The following ACACA variants were observed in gnomAD, a reference collection of about 807,000 sequenced individuals.
ACACA encodes acetyl-CoA carboxylase 1.
A neutral mutation model predicts 296.1 loss-of-function variants in ACACA; 103 were observed. The observed-to-expected ratio is 0.35, with a 90% CI of 0.30 to 0.41. ACACA has a LOEUF of 0.41. Among genes scored for constraint, ACACA ranks in the 10% least tolerant of loss-of-function variants. The probability of loss-of-function intolerance (pLI) is 1.00; values close to 1 mark genes in which losing one functional copy is unlikely to be tolerated. For synonymous variants in ACACA, 953 were observed against 1,038.6 expected (o/e 0.92, Z 1.58); for missense variants, 1,554 against 2,989.7 (o/e 0.52, Z 11.20).
chr17:37,371,704 A>G (rs1208075120), intron 1 of ACACA, among the ~76,000 whole-genome samples: 1 of 151,346 alleles, frequency 6.6e-6, no homozygotes, highest in East Asian at 2.0e-4. Context: ...GTTTGAGACC[A>G]GCCTGACCAA....
intron 31 of ACACA, 100 bp downstream of exon 31, chr17:37,207,557 G>T (rs955659775): frequency 1.4e-6 from 2 of 1,423,524 alleles, no homozygotes; most frequent in African/African-American, 1.4e-5. Flanking sequence ...CTGGCTCATG[G>T]CTATTCGGGA....
intron 3 of ACACA, among the ~76,000 whole-genome samples, chr17:37,326,601 C>T (rs2047634912): frequency 6.6e-6 from 1 of 151,732 alleles, no homozygotes; most frequent in African/African-American, 2.4e-5. Flanking sequence ...GAGGCTGAGG[C>T]GGGCAGATCA....
chr17:37,087,243 G>A lies in ACACA; in HGVS notation c.*73C>T. On this transcript the variant is annotated 3_prime_UTR_variant, in exon 56 of 56. Coordinates refer to ENST00000616317, the MANE Select transcript of ACACA (RefSeq NM_198834.3). Reference sequence around the variant, plus strand: ...GGGTCTCCTGTGCCTTCTCATTACAGTGGTTACAGTTGTAAAAGGCAGCTC... The same window carrying A: ...GGGTCTCCTGTGCCTTCTCATTACAATGGTTACAGTTGTAAAAGGCAGCTC... The A allele has an allele frequency of 1.9e-6, 3 of 1,599,558 alleles. No individual in the cohort carries two copies. Among genetic ancestry groups the A allele is most frequent in the Non-Finnish European group, 2.6e-6 (3 of 1,168,210 alleles).
chr17:37,155,380 G>C (rs904991066), intron 43 of ACACA, among the ~76,000 whole-genome samples: 1 of 152,108 alleles, frequency 6.6e-6, no homozygotes, highest in African/African-American at 2.4e-5. Context: ...GACAGCAAGT[G>C]TATAACATAA....
At position 37,400,728 on chromosome 17, in the gene ACACA, T is replaced by TTG. The variant is rs551347148; in HGVS notation, c.38+5532_38+5533dup. ...TTTTTTAAGGCTGAACAGTATTCCA[T>TTG]TGTGTGTGTGTCTGTGTGTGTGTGT... is the stretch of plus-strand genomic sequence containing the variant. On this transcript the variant is annotated intron_variant, in intron 1 of 55. Coordinates refer to ENST00000616317, the MANE Select transcript of ACACA (RefSeq NM_198834.3). 4.7e-3 allele frequency among the ~76,000 whole-genome samples: 687 copies of TTG among 146,038 alleles called. 5 individuals are homozygous for TTG. Among genetic ancestry groups the TTG allele is most frequent in the African/African-American group, 0.017 (650 of 39,302 alleles).
chr17:37,174,321 A>C (rs1217728445), intron 41 of ACACA, among the ~76,000 whole-genome samples: 1 of 151,842 alleles, frequency 6.6e-6, no homozygotes, highest in African/African-American at 2.4e-5. Flanking sequence ...GGTAAAGGCT[A>C]CTATACCAAC....
chr17:37,107,005 G>A (rs1326166703), intron 52 of ACACA, among the ~76,000 whole-genome samples: 3 of 152,142 alleles, frequency 2.0e-5, no homozygotes, highest in African/African-American at 7.2e-5. Flanking sequence ...GAATCAGTGT[G>A]AGGGGTAGGT....
chr17:37,176,338 A>T (rs1478888689), intron 41 of ACACA, among the ~76,000 whole-genome samples: 2 of 152,254 alleles, frequency 1.3e-5, no homozygotes, highest in African/African-American at 4.8e-5. Context: ...ACACCACATT[A>T]TGATGATTTA....
intron 33 of ACACA, among the ~76,000 whole-genome samples, chr17:37,203,271 T>C (rs1461123189): frequency 2.0e-5 from 3 of 152,060 alleles, no homozygotes; most frequent in South Asian, 2.1e-4. Context: ...AAAATGTCTT[T>C]GTAGATCAAC....
At chr17:37,235,237 A>G in intron 24 of ACACA, 138 bp from the exon 25 acceptor site, 1 of 1,135,666 alleles carries the variant, frequency 8.8e-7, no homozygotes, top group African/African-American at 1.5e-5. Flanking sequence ...ATGGATTTGT[A>G]CAGAAACTGG....
intron 55 of ACACA, among the ~76,000 whole-genome samples, chr17:37,088,555 T>C (rs565716207): frequency 1.3e-5 from 2 of 152,374 alleles, no homozygotes; most frequent in African/African-American, 4.8e-5. Context: ...TGGAGCAGAC[T>C]GAAGCCTCTA....
intron 29 of ACACA, among the ~76,000 whole-genome samples, chr17:37,212,377 T>C (rs8080705): frequency 0.34 from 51,217 of 151,976 alleles, 10,939 homozygotes; most frequent in African/African-American, 0.59. Flanking sequence ...CAAGCTCCTA[T>C]AGAGAGCCCC....
intron 50 of ACACA, among the ~76,000 whole-genome samples, chr17:37,118,576 G>C (rs1597871033): frequency 6.6e-6 from 1 of 152,182 alleles, no homozygotes; most frequent in African/African-American, 2.4e-5. Flanking sequence ...AGTAGATCTA[G>C]TTCTGGTTTT....
chr17:37,086,062 C>T lies in ACACA; in HGVS notation c.*1254G>A, dbSNP rs2142399073. Reference sequence around the variant, plus strand: ...GCCCCTGATGCCAGTCAGGAGGGGCCAGTAAGCCTGGAGGACAGCAGCACC... The same window carrying T: ...GCCCCTGATGCCAGTCAGGAGGGGCTAGTAAGCCTGGAGGACAGCAGCACC... On this transcript the variant is annotated 3_prime_UTR_variant, in exon 56 of 56. Transcript: ENST00000616317. 1 of 367,706 alleles carries T rather than the reference C, an allele frequency of 2.7e-6. No individual in the cohort carries two copies. The highest frequency in any genetic ancestry group is 4.0e-5 in the East Asian group (1 of 25,174). 22.8% of individuals were successfully genotyped at this position (367,706 alleles called of 1,614,324 possible).
At chr17:37,377,537 G>A (rs71382466) in intron 1 of ACACA, among the ~76,000 whole-genome samples, 4,132 of 152,052 alleles carry the variant, frequency 0.027, 119 homozygotes, top group East Asian at 0.062. Context: ...GTGCATGCCC[G>A]TAATCCCAGC....
intron 18 of ACACA, 60 bp from the exon 19 acceptor site, chr17:37,247,036 G>A: frequency 6.3e-7 from 1 of 1,592,508 alleles, no homozygotes; most frequent in South Asian, 1.1e-5. Context: ...AAGGAGAATG[G>A]TAGAGAATGT....
intron 11 of ACACA, among the ~76,000 whole-genome samples, chr17:37,260,242 C>G (rs2081387467): frequency 9.6e-6 from 1 of 104,402 alleles, no homozygotes; most frequent in Non-Finnish European, 1.8e-5. Context: ...ATGCATAACT[C>G]CCAAGTCATA....
intron 43 of ACACA, among the ~76,000 whole-genome samples, chr17:37,154,531 C>T (rs2076163774): frequency 6.6e-6 from 1 of 151,696 alleles, no homozygotes; most frequent in Non-Finnish European, 1.5e-5. Context: ...GAGTCTTGTT[C>T]TGTCACCCAG....
chr17:37,108,607 T>C (rs953524233), intron 52 of ACACA, among the ~76,000 whole-genome samples: 2 of 152,080 alleles, frequency 1.3e-5, no homozygotes, highest in African/African-American at 4.8e-5. Context: ...AGGCTGGTCT[T>C]GAACTCCCAA....
Sources: allele counts gnomAD v4.1 joint callset (sites outside exome capture counted in the v4.1 genomes callset), GRCh38; gene constraint gnomAD v4.1.1; transcripts MANE v1.5; gene names NCBI Gene and HGNC (gene_info 2026-07-23, HGNC 2026-07-21).